VRK2: variants seen among roughly 807,000 people sequenced by gnomAD.
The protein encoded by VRK2 is serine/threonine-protein kinase VRK2.
Under a neutral mutation model 57.6 loss-of-function variants are expected in VRK2, and 60 were observed. The ratio of observed to expected loss-of-function variants is 1.04; its 90% CI spans 0.85 to 1.29. The LOEUF (loss-of-function observed/expected upper bound fraction) is 1.29. VRK2 is among the 50% of genes most tolerant of loss of function. The pLI is 0.00. For missense variants in VRK2, 705 were observed against 588.1 expected, an observed-to-expected ratio of 1.20 and a Z score of -2.06; for synonymous variants, 231 against 199.2, an observed-to-expected ratio of 1.16 and a Z score of -1.35.
chr2:57,960,729 C>A (rs1044523377), intron 1 of VRK2, among the ~76,000 whole-genome samples: 1 of 152,046 alleles, frequency 6.6e-6, no homozygotes, highest in South Asian at 2.1e-4. Flanking sequence ...TAGATTAAAG[C>A]GGAAGAAATG....
intron 2 of VRK2, among the ~76,000 whole-genome samples, chr2:58,053,387 T>A (rs1676046009): frequency 6.6e-6 from 1 of 152,232 alleles, no homozygotes; most frequent in Non-Finnish European, 1.5e-5. Context: ...TTCATCAAAG[T>A]GACTGCCAGA....
At chr2:57,986,741 G>C (rs1419407822) in intron 1 of VRK2, among the ~76,000 whole-genome samples, 3 of 151,836 alleles carry the variant, frequency 2.0e-5, no homozygotes, top group Non-Finnish European at 4.4e-5. Context: ...TGGGATTACA[G>C]GTGCGCACCA....
intron 7 of VRK2, among the ~76,000 whole-genome samples, chr2:58,096,239 T>C (rs556347911): frequency 1.3e-5 from 2 of 152,252 alleles, no homozygotes; most frequent in Non-Finnish European, 1.5e-5. Context: ...CATAGTTTTC[T>C]AATTTTGTTC....
At chr2:57,976,934 A>G (rs1672268998) in intron 1 of VRK2, among the ~76,000 whole-genome samples, 1 of 152,178 alleles carries the variant, frequency 6.6e-6, no homozygotes, top group South Asian at 2.1e-4. Flanking sequence ...AATCTTCTGT[A>G]CATGGCTAGC....
chr2:58,146,309 C>T lies in VRK2; in HGVS notation c.1024-7C>T. 6.2e-7 allele frequency: 1 copy of T among 1,604,492 alleles called. No homozygotes were observed. Among genetic ancestry groups the T allele is most frequent in the Non-Finnish European group, 8.5e-7 (1 of 1,175,146 alleles). On this transcript the variant is annotated splice_polypyrimidine_tract_variant and splice_region_variant and intron_variant, in intron 11 of 12. Coordinates refer to ENST00000340157, the MANE Select transcript of VRK2 (RefSeq NM_006296.7). ...ATTATATATTATTACTTACTCTATA[C>T]CAACAGGTTGATTCACAAAAGGCTG...
intron 1 of VRK2, among the ~76,000 whole-genome samples, chr2:57,971,708 T>G (rs996745130): frequency 2.0e-5 from 3 of 151,894 alleles, no homozygotes; most frequent in Non-Finnish European, 4.4e-5. Context: ...TCCATTTATT[T>G]CATTTAGGGT....
intron 12 of VRK2, among the ~76,000 whole-genome samples, chr2:58,147,590 C>A (rs1190706456): frequency 6.6e-6 from 1 of 151,762 alleles, no homozygotes; most frequent in Non-Finnish European, 1.5e-5. Context: ...GAAATTGATT[C>A]CTTTTTGGCT....
At chr2:57,909,985 T>C (rs972973238) in intron 1 of VRK2, among the ~76,000 whole-genome samples, 2 of 152,168 alleles carry the variant, frequency 1.3e-5, no homozygotes, top group African/African-American at 4.8e-5. Context: ...AAGAAAAATG[T>C]TTCATCCACA....
At chr2:57,916,131 G>A (rs1465903141) in intron 1 of VRK2, among the ~76,000 whole-genome samples, 1 of 152,122 alleles carries the variant, frequency 6.6e-6, no homozygotes, top group Non-Finnish European at 1.5e-5. Flanking sequence ...CCAAGGGCGG[G>A]CGCGGTGGCT....
At chr2:58,080,230 C>G (rs139679796) in intron 2 of VRK2, among the ~76,000 whole-genome samples, 3 of 151,800 alleles carry the variant, frequency 2.0e-5, no homozygotes, top group Admixed American at 6.6e-5. Flanking sequence ...TTGTGATTTC[C>G]TTTTTCCCCA....
intron 11 of VRK2, among the ~76,000 whole-genome samples, chr2:58,145,319 C>T (rs72810352): frequency 0.066 from 9,983 of 151,958 alleles, 421 homozygotes; most frequent in Middle Eastern, 0.082. Flanking sequence ...ACACAGTATT[C>T]GATGACATGA....
intron 1 of VRK2, among the ~76,000 whole-genome samples, chr2:57,909,304 C>A (rs959613197): frequency 2.0e-5 from 3 of 152,138 alleles, no homozygotes; most frequent in Non-Finnish European, 4.4e-5. Context: ...ATATAAACCA[C>A]CCACCTATTA....
chr2:58,074,454 T>A (rs1469025831), intron 2 of VRK2, among the ~76,000 whole-genome samples: 1 of 152,122 alleles, frequency 6.6e-6, no homozygotes, highest in Non-Finnish European at 1.5e-5. Flanking sequence ...TATCAATTCT[T>A]CTTTAGAAAT....
At chr2:58,001,568 T>C (rs1437084908) in intron 1 of VRK2, among the ~76,000 whole-genome samples, 2 of 152,182 alleles carry the variant, frequency 1.3e-5, no homozygotes, top group East Asian at 3.8e-4. Context: ...ACACCTGTAA[T>C]CCCAGCACTT....
intron 7 of VRK2, among the ~76,000 whole-genome samples, chr2:58,103,473 C>G (rs1262407991): frequency 2.0e-5 from 3 of 151,524 alleles, no homozygotes; most frequent in Non-Finnish European, 4.4e-5. Flanking sequence ...CAACTATATG[C>G]TTATAAACTA....
At chr2:58,145,275 CTTG>C (rs1488972983) in intron 11 of VRK2, among the ~76,000 whole-genome samples, 1 of 151,980 alleles carries the variant, frequency 6.6e-6, no homozygotes, top group Non-Finnish European at 1.5e-5. Context: ...AGACAGCAAG[CTTG>C]TTGTAGAAGA....
intron 1 of VRK2, among the ~76,000 whole-genome samples, chr2:57,966,290 A>G (rs1671914239): frequency 6.6e-6 from 1 of 152,234 alleles, no homozygotes; most frequent in African/African-American, 2.4e-5. Context: ...ATACAGGATC[A>G]AGGGCAAGCA....
intron 1 of VRK2, among the ~76,000 whole-genome samples, chr2:57,956,254 G>A (rs1397355036): frequency 1.3e-5 from 2 of 152,102 alleles, no homozygotes; most frequent in African/African-American, 2.4e-5. Flanking sequence ...GCATGGTGAT[G>A]CATGCCTGTA....
intron 2 of VRK2, 125 bp from the exon 3 acceptor site, chr2:58,083,964 A>G (rs1671261072): frequency 2.1e-6 from 2 of 962,964 alleles, no homozygotes; most frequent in Admixed American, 2.8e-5. Flanking sequence ...CTACCATAAA[A>G]GGTTGTTGGG....
Sources: allele counts gnomAD v4.1 joint callset (sites outside exome capture counted in the v4.1 genomes callset), GRCh38; gene constraint gnomAD v4.1.1; transcripts MANE v1.5; gene names NCBI Gene and HGNC (gene_info 2026-07-23, HGNC 2026-07-21).